Variants in LIFR observed in about 807,000 individuals in gnomAD.
The protein encoded by LIFR is leukemia inhibitory factor receptor.
LIFR carries 84 observed loss-of-function variants against 122.2 expected under a neutral mutation model. That is an observed-to-expected ratio of 0.69 (90% CI 0.58 to 0.82). The LOEUF (loss-of-function observed/expected upper bound fraction) is 0.82, where lower values mean the gene tolerates loss of function less well. Ranked by LOEUF, LIFR falls within the 40% of genes least tolerant of loss-of-function variation. LIFR has a pLI of 0.00. For missense variants in LIFR, 1,294 were observed against 1,311.6 expected, an observed-to-expected ratio of 0.99 and a Z score of 0.21; for synonymous variants, 422 against 434.7, an observed-to-expected ratio of 0.97 and a Z score of 0.36.
chr5:38,508,105 AT>A (rs1745594736), intron 7 of LIFR, among the ~76,000 whole-genome samples: 1 of 152,184 alleles, frequency 6.6e-6, no homozygotes. Context: ...ACAAGAGCAA[AT>A]AAGAGATAAA....
chr5:38,542,800 C>A (rs1188817444), intron 1 of LIFR, among the ~76,000 whole-genome samples: 2 of 152,164 alleles, frequency 1.3e-5, no homozygotes, highest in African/African-American at 4.8e-5. Context: ...CTTCCTTGTC[C>A]CTTTAACAAA....
At chr5:38,500,625 C>T (rs1385656201) in intron 11 of LIFR, among the ~76,000 whole-genome samples, 10 of 152,140 alleles carry the variant, frequency 6.6e-5, no homozygotes, top group African/African-American at 1.7e-4. Context: ...TTTCAGATTA[C>T]GTATGTTCAA....
At chr5:38,568,564 TGA>T (rs1402164546) in intron 1 of LIFR, among the ~76,000 whole-genome samples, 1 of 152,088 alleles carries the variant, frequency 6.6e-6, no homozygotes, top group Non-Finnish European at 1.5e-5. Flanking sequence ...GCCACATGTG[TGA>T]GGAGTAGATT....
chr5:38,549,747 C>T (rs1748099494), intron 1 of LIFR, among the ~76,000 whole-genome samples: 2 of 152,180 alleles, frequency 1.3e-5, no homozygotes, highest in African/African-American at 4.8e-5. Context: ...GCTGAGACTG[C>T]GCCACTGCAC....
intron 12 of LIFR, among the ~76,000 whole-genome samples, chr5:38,497,409 A>G (rs989443737): frequency 6.6e-6 from 1 of 152,272 alleles, no homozygotes; most frequent in African/African-American, 2.4e-5. Flanking sequence ...CAGTAAGAGT[A>G]CACAAAAATT....
chr5:38,551,292 G>C (rs995007547), intron 1 of LIFR, among the ~76,000 whole-genome samples: 3 of 152,316 alleles, frequency 2.0e-5, no homozygotes, highest in Non-Finnish European at 2.9e-5. Context: ...AGGCGCCTTA[G>C]TGCTTACTGT....
chr5:38,498,403 T>G (rs1202245180), intron 12 of LIFR, among the ~76,000 whole-genome samples: 1 of 152,178 alleles, frequency 6.6e-6, no homozygotes, highest in African/African-American at 2.4e-5. Flanking sequence ...CATCTCCAAG[T>G]GATCCCATTT....
Position 38,511,929 on chromosome 5 carries a change from T to A in LIFR, c.597A>T (p.Thr199=). 6.2e-7 allele frequency: 1 copy of A among 1,614,120 alleles called. No homozygotes were observed. Among genetic ancestry groups the A allele is most frequent in the Non-Finnish European group, 8.5e-7 (1 of 1,180,010 alleles). ...THNTTLNGKD[T]LHHWSWASDM... ...CTGAGGCCCAACTCCAGTGATGAAG[T>A]GTATCTTTGCCATTCAGAGTTGTGT... The change falls in exon 6 of 20, where the codon ACA becomes ACT. Residue 199 remains threonine, a synonymous_variant. Transcript: ENST00000453190.
intron 1 of LIFR, among the ~76,000 whole-genome samples, chr5:38,579,947 T>C (rs556484919): frequency 6.6e-6 from 1 of 152,324 alleles, no homozygotes; most frequent in East Asian, 1.9e-4. Context: ...AAGCTAGCTC[T>C]TCCAGGTAGA....
intron 1 of LIFR, among the ~76,000 whole-genome samples, chr5:38,581,872 T>G (rs1181752877): frequency 6.6e-6 from 1 of 152,148 alleles, no homozygotes; most frequent in East Asian, 1.9e-4. Flanking sequence ...TATCCTATAT[T>G]TGAAATGCCA....
At chr5:38,581,624 G>C (rs886226129) in intron 1 of LIFR, among the ~76,000 whole-genome samples, 3 of 152,208 alleles carry the variant, frequency 2.0e-5, no homozygotes, top group African/African-American at 7.2e-5. Flanking sequence ...TTCTGGGACT[G>C]AAGTGAAATG....
At chr5:38,487,672 G>C (rs1012322439) in intron 16 of LIFR, among the ~76,000 whole-genome samples, 7 of 152,130 alleles carry the variant, frequency 4.6e-5, no homozygotes, top group Non-Finnish European at 2.9e-5. Flanking sequence ...TTATTGTACT[G>C]AACTCATCTA....
In LIFR at chr5:38,606,879, A is replaced by G. The variant is rs368856161; in HGVS notation, n.204-573T>C. ...CTTGTTGGCAAGTGGTTCATAAACC[A>G]CTTACATCACACAATTCATATCATA... On this transcript the variant is annotated intron_variant and non_coding_transcript_variant, in intron 1 of 3. Coordinates refer to the LIFR transcript ENST00000507786. 5.9e-5 allele frequency among the ~76,000 whole-genome samples: 9 copies of G among 152,324 alleles called. No homozygotes were observed. In the East Asian group the frequency reaches 1.5e-3, roughly 26 times the overall value.
chr5:38,528,556 T>C, intron 3 of LIFR, 170 bp downstream of exon 3: 1 of 653,110 alleles, frequency 1.5e-6, no homozygotes, highest in Non-Finnish European at 2.8e-6. Context: ...CACCTCATAA[T>C]GCTTGGTGCC....
intron 1 of LIFR, among the ~76,000 whole-genome samples, chr5:38,583,630 A>G (rs932744043): frequency 6.6e-6 from 1 of 152,212 alleles, no homozygotes; most frequent in African/African-American, 2.4e-5. Flanking sequence ...ACCTGATTTA[A>G]AAAGGGGTAA....
intron 12 of LIFR, among the ~76,000 whole-genome samples, chr5:38,499,136 A>G (rs1017886509): frequency 6.6e-6 from 1 of 152,220 alleles, no homozygotes; most frequent in East Asian, 1.9e-4. Context: ...TATTGAAGGG[A>G]AATAAATTAC....
chr5:38,587,927 G>T (rs969989874), intron 1 of LIFR, among the ~76,000 whole-genome samples: 1 of 152,098 alleles, frequency 6.6e-6, no homozygotes, highest in African/African-American at 2.4e-5. Flanking sequence ...GGATTCAAAG[G>T]CCCTGGCCTG....
At chr5:38,542,946 A>C (rs1747673300) in intron 1 of LIFR, among the ~76,000 whole-genome samples, 1 of 152,070 alleles carries the variant, frequency 6.6e-6, no homozygotes, top group Non-Finnish European at 1.5e-5. Flanking sequence ...CATCTTTCTC[A>C]CCAAACTGAG....
rs928032461 is a variant in LIFR at position 38,549,152 on chromosome 5, A to G, written c.-20+7182T>C. ...GTGGGAAATCCAGGAAAGTAAAAAG[A>G]ATAACAGTCAATTGTAATTTCCACA... On this transcript the variant is annotated intron_variant, in intron 1 of 19. Transcript: ENST00000453190. Among the ~76,000 whole-genome samples the G allele has an allele frequency of 4.6e-5, 7 of 152,192 alleles. No individual in the cohort carries two copies. The East Asian group carries it at 7.7e-4, about 17-fold the overall frequency.
Sources: allele counts gnomAD v4.1 joint callset (sites outside exome capture counted in the v4.1 genomes callset), GRCh38; gene constraint gnomAD v4.1.1; transcripts MANE v1.5; gene names NCBI Gene and HGNC (gene_info 2026-07-23, HGNC 2026-07-21).